The following UGT2B28 variants were observed in gnomAD, a reference collection of about 807,000 sequenced individuals.
UGT2B28 encodes UDP-glucuronosyltransferase 2B28.
Under a neutral mutation model 43.6 loss-of-function variants are expected in UGT2B28, and 45 were observed. That is an observed-to-expected ratio of 1.03 (90% CI 0.81 to 1.32). The LOEUF (loss-of-function observed/expected upper bound fraction) is 1.32. Among genes scored for constraint, UGT2B28 ranks in the 40% most tolerant of loss-of-function variants. UGT2B28 has a pLI of 0.00. For synonymous variants in UGT2B28, 204 were observed against 208.1 expected, an observed-to-expected ratio of 0.98 and a Z score of 0.17; for missense variants, 649 against 625.5, an observed-to-expected ratio of 1.04 and a Z score of -0.40.
In UGT2B28 at chr4:69,283,566, C is replaced by T. The variant is rs1272540640; in HGVS notation, c.870+904C>T. The stretch of plus-strand genomic sequence containing the variant: ...AGAAAGTTGATAGAAATAATTATGC[C>T]TACATTTGCTAAAATAGTGCCAACT... On this transcript the variant is annotated intron_variant, in intron 2 of 5. Transcript: ENST00000335568. Among the ~76,000 whole-genome samples the T allele has an allele frequency of 1.4e-5, 2 of 139,986 alleles. 1 individual carries two copies. Among genetic ancestry groups the T allele is most frequent in the Non-Finnish European group, 3.1e-5 (2 of 65,532 alleles). 91.8% of individuals were successfully genotyped at this position (139,986 alleles called of 152,430 possible).
chr4:69,282,998 G>C (rs1488739688), intron 2 of UGT2B28, among the ~76,000 whole-genome samples: 1 of 139,912 alleles, frequency 7.1e-6, no homozygotes, highest in African/African-American at 2.8e-5. Flanking sequence ...AGAAATTTCA[G>C]AGAAAAAAAA....
At position 69,281,215 on chromosome 4, in the gene UGT2B28, G is replaced by C. The variant is rs754251721; in HGVS notation, c.715G>C (p.Val239Leu). ...MKKWDQFYSE[V>L]LGRPTTLFET... is the part of the protein sequence containing the mutation. ...GAAGTGGGATCAGTTTTACAGTGAA[G>C]TTTTAGGTAAGAATTTGTTTAATCG... Residue 239 changes from valine (V) to leucine (L), a missense_variant, in exon 1 of 6, where the codon GTT becomes CTT. By Grantham distance (32) the Val-to-Leu change is conservative. Coordinates refer to ENST00000335568, the MANE Select transcript of UGT2B28 (RefSeq NM_053039.2). 1 of 1,499,984 alleles carries C rather than the reference G, an allele frequency of 6.7e-7. No individual in the cohort carries two copies. Among genetic ancestry groups the C allele is most frequent in the East Asian group, 2.3e-5 (1 of 43,076 alleles). The allele number at this position is 1,499,984 out of a possible 1,614,324, so 92.9% of individuals were successfully genotyped here. A position where few individuals can be genotyped will look rare whatever the true frequency, so the allele number is the denominator to read the frequency against.
At chr4:69,286,951 A>T (rs1296611007) in intron 3 of UGT2B28, 68 bp downstream of exon 3, 1 of 1,528,498 alleles carries the variant, frequency 6.5e-7, no homozygotes, top group African/African-American at 1.6e-5. Context: ...AGATCTACAC[A>T]GAAAGAATAT....
chr4:69,281,374 T>C (rs1723604317), intron 1 of UGT2B28, among the ~76,000 whole-genome samples, 153 bp downstream of exon 1: 1 of 140,384 alleles, frequency 7.1e-6, no homozygotes, highest in African/African-American at 2.8e-5. Context: ...CTCACAAACA[T>C]TATAGAAAAG....
intron 2 of UGT2B28, 24 bp from the exon 3 acceptor site, chr4:69,286,728 T>C: frequency 6.4e-7 from 1 of 1,552,348 alleles, no homozygotes; most frequent in Non-Finnish European, 8.7e-7. Flanking sequence ...TACTCTTTTG[T>C]GATTAAACAA....
At chr4:69,281,325 G>A in intron 1 of UGT2B28, 104 bp downstream of exon 1, 1 of 1,268,272 alleles carries the variant, frequency 7.9e-7, no homozygotes, top group Non-Finnish European at 1.0e-6. Flanking sequence ...TTTTTGGTAA[G>A]TGAATTTATG....
At position 69,282,940 on chromosome 4, in the gene UGT2B28, A is replaced by T. The variant is rs1387881230; in HGVS notation, c.870+278A>T. Among the ~76,000 whole-genome samples the T allele has an allele frequency of 8.5e-5, 12 of 140,802 alleles. 4 individuals are homozygous for T. Among genetic ancestry groups the T allele is most frequent in the African/African-American group, 3.3e-4 (12 of 36,102 alleles). 92.4% of individuals were successfully genotyped at this position (140,802 alleles called of 152,430 possible). A position where few individuals can be genotyped will look rare whatever the true frequency, so the allele number is the denominator to read the frequency against. On this transcript the variant is annotated intron_variant, in intron 2 of 5. Transcript: ENST00000335568. ...ACACCTAAGGAGGTATTTGTCATTC[A>T]TTCAAAGAATATTTATAAAGGGATT...
chr4:69,281,742 G>C (rs1262983695), intron 1 of UGT2B28, among the ~76,000 whole-genome samples: 2 of 139,806 alleles, frequency 1.4e-5, no homozygotes, highest in Non-Finnish European at 3.0e-5. Flanking sequence ...AGTTAATCAG[G>C]GTAATTTGAA....
At position 69,289,091 on chromosome 4, in the gene UGT2B28, T is replaced by A. The variant is rs1438037829; in HGVS notation, c.1003-574T>A. Among the ~76,000 whole-genome samples, 9 of 139,316 alleles carry A rather than the reference T, an allele frequency of 6.5e-5. 2 individuals carry two copies. The highest frequency in any genetic ancestry group is 1.4e-4 in the Non-Finnish European group (9 of 65,532). 91.4% of individuals were successfully genotyped at this position (139,316 alleles called of 152,430 possible). On this transcript the variant is annotated intron_variant, in intron 3 of 5. Transcript: ENST00000335568. The stretch of plus-strand genomic sequence containing the variant: ...TTCATAAAAGAACCAGTTATAGTCC[T>A]TTGCTTATATACCCAGTAATGGGAT...
rs1261364522 is a variant in UGT2B28, at chr4:69,288,140, C to T, written c.1002+1257C>T. On this transcript the variant is annotated intron_variant, in intron 3 of 5. Coordinates refer to ENST00000335568, the MANE Select transcript of UGT2B28 (RefSeq NM_053039.2). ...TTATTCATGATTCCAACAGGCTCCTCATTTCTAGGCCAAAAAAAAAAAAAA... is the reference window on the plus strand; with the variant it reads ...TTATTCATGATTCCAACAGGCTCCTTATTTCTAGGCCAAAAAAAAAAAAAA... Among the ~76,000 whole-genome samples the T allele has an allele frequency of 2.3e-5, 2 of 88,648 alleles. 1 individual carries two copies. The highest frequency in any genetic ancestry group is 4.5e-5 in the Non-Finnish European group (2 of 44,066). 58.2% of individuals were successfully genotyped at this position (88,648 alleles called of 152,430 possible).
In UGT2B28 at chr4:69,286,750, A is replaced by T; in HGVS notation, c.871-2A>T. The T allele has an allele frequency of 1.3e-6, 2 of 1,551,638 alleles. 1 individual carries two copies. Among genetic ancestry groups the T allele is most frequent in the East Asian group, 4.6e-5 (2 of 43,434 alleles). ...TTGTGATTAAACAATTTTTTTTCAC[A>T]GGAAATGGAGGAATTTGTACAGAGC... On this transcript the variant is annotated splice_acceptor_variant, in intron 2 of 5. Transcript: ENST00000335568. LOFTEE classifies it high-confidence loss of function.
In UGT2B28 at chr4:69,282,558, T is replaced by A; in HGVS notation, c.766T>A (p.Trp256Arg). ...TGAGACAATGGGGAAAGCTGACATA[T>A]GGCTTATGCGAAACTCCTGGAGTTT... Reference protein sequence around the residue: ...LFETMGKADIWLMRNSWSFQF... With the variant: ...LFETMGKADIRLMRNSWSFQF... The change falls in exon 2 of 6, where the codon TGG becomes AGG. Residue 256 changes from tryptophan (W) to arginine (R), a missense_variant. Transcript: ENST00000335568. 6.4e-7 allele frequency: 1 copy of A among 1,553,680 alleles called. No homozygotes were observed. The highest frequency in any genetic ancestry group is 1.5e-5 in the African/African-American group (1 of 65,546).
intron 5 of UGT2B28, among the ~76,000 whole-genome samples, chr4:69,293,911 G>A (rs990187601): frequency 7.1e-6 from 1 of 140,414 alleles, no homozygotes; most frequent in Non-Finnish European, 1.5e-5. Flanking sequence ...GAAACAGTAG[G>A]AAACAAAAGA....
chr4:69,283,673 T>C (rs977238819), intron 2 of UGT2B28, among the ~76,000 whole-genome samples: 1 of 140,940 alleles, frequency 7.1e-6, no homozygotes, highest in Non-Finnish European at 1.5e-5. Context: ...GACTCAGAAA[T>C]GTTATTAATT....
In UGT2B28 at chr4:69,291,878, C is replaced by A. The variant is rs1293418020; in HGVS notation, c.1310+1067C>A. Among the ~76,000 whole-genome samples the A allele has an allele frequency of 2.1e-5, 3 of 139,576 alleles. 1 individual carries two copies. The highest frequency in any genetic ancestry group is 8.4e-5 in the African/African-American group (3 of 35,702). The allele number at this position is 139,576 out of a possible 152,430, so 91.6% of individuals were successfully genotyped here. On this transcript the variant is annotated intron_variant, in intron 5 of 5. Transcript: ENST00000335568. ...AATTCCTCCACACTGTTGTCAAACC[C>A]CTTATTGTCTGTCTTTTTGTTACAG...
At position 69,290,529 on chromosome 4, in the gene UGT2B28, C is replaced by T. The variant is rs531117048; in HGVS notation, c.1091-63C>T. 467 of 1,520,950 alleles carry T rather than the reference C, an allele frequency of 3.1e-4. 90 individuals carry two copies. In the South Asian group the frequency reaches 5.4e-3, roughly 18 times the overall value. 94.2% of individuals were successfully genotyped at this position (1,520,950 alleles called of 1,614,324 possible). ...CTAGAAAACACTGTCACTTTCAGAG[C>T]ATTTCATTGTGTATCGCATTTTATT... is the stretch of plus-strand genomic sequence containing the variant. On this transcript the variant is annotated intron_variant, in intron 4 of 5. Transcript: ENST00000335568.
chr4:69,292,927 T>C (rs1267351459), intron 5 of UGT2B28, among the ~76,000 whole-genome samples: 1 of 140,696 alleles, frequency 7.1e-6, no homozygotes, highest in Non-Finnish European at 1.5e-5. Context: ...CATGCACTTT[T>C]ATCTCAGCAA....
At chr4:69,283,431 A>T (rs1467830573) in intron 2 of UGT2B28, among the ~76,000 whole-genome samples, 1 of 140,270 alleles carries the variant, frequency 7.1e-6, no homozygotes, top group African/African-American at 2.8e-5. Context: ...TTTTAAGAAG[A>T]GCCTCCAAGA....
rs545286321 is a variant in UGT2B28 at position 69,293,714 on chromosome 4, G to C, written c.1311-816G>C. Among the ~76,000 whole-genome samples the C allele has an allele frequency of 9.3e-5, 13 of 140,346 alleles. 3 individuals carry two copies. The highest frequency in any genetic ancestry group is 3.6e-4 in the African/African-American group (13 of 35,948). 92.1% of individuals were successfully genotyped at this position (140,346 alleles called of 152,430 possible). A position where few individuals can be genotyped will look rare whatever the true frequency, so the allele number is the denominator to read the frequency against. ...TAAAGAAAATTAGAAGGCCAATCTA[G>C]AAGACAATGTGCAGGGGAAAAGTGT... On this transcript the variant is annotated intron_variant, in intron 5 of 5. Transcript: ENST00000335568.
Sources: allele counts gnomAD v4.1 joint callset (sites outside exome capture counted in the v4.1 genomes callset), GRCh38; gene constraint gnomAD v4.1.1; transcripts MANE v1.5; gene names NCBI Gene and HGNC (gene_info 2026-07-23, HGNC 2026-07-21).